The following SUN1 variants were observed in gnomAD, a reference collection of about 807,000 sequenced individuals.
SUN1 encodes the protein SUN domain-containing protein 1.
Under a neutral mutation model 103.2 loss-of-function variants are expected in SUN1, and 61 were observed. The ratio of observed to expected loss-of-function variants is 0.59; its 90% CI spans 0.48 to 0.73. SUN1 has a LOEUF of 0.73. Among genes scored for constraint, SUN1 ranks in the 30% least tolerant of loss-of-function variants. SUN1 has a pLI of 0.00. For missense variants in SUN1, 1,052 were observed against 1,034.6 expected (o/e 1.02, Z -0.23); for synonymous variants, 490 against 425.7 (o/e 1.15, Z -1.86).
chr7:869,242 A>T (rs561161453), intron 16 of SUN1, 107 bp from the exon 17 acceptor site: 4 of 1,390,162 alleles, frequency 2.9e-6, no homozygotes, highest in East Asian at 2.3e-5. Context: ...AGTTTCTACC[A>T]TGTAAAACTT....
chr7:871,655 T>C (rs1841794238), intron 17 of SUN1, among the ~76,000 whole-genome samples: 1 of 152,250 alleles, frequency 6.6e-6, no homozygotes, highest in Admixed American at 6.5e-5. Flanking sequence ...CCCAAAGTGC[T>C]GGGATTACAG....
chr7:848,706 G>T (rs972516435), intron 5 of SUN1: 2 of 872,652 alleles, frequency 2.3e-6, no homozygotes, highest in African/African-American at 1.8e-5. Flanking sequence ...CGCCTCCCTC[G>T]CTGCCTCCTC....
intron 15 of SUN1, among the ~76,000 whole-genome samples, chr7:861,851 A>T (rs990332735): frequency 6.6e-6 from 1 of 152,242 alleles, no homozygotes; most frequent in Non-Finnish European, 1.5e-5. Context: ...CCGAGAGCAG[A>T]AGCAGGCTAA....
Position 826,622 on chromosome 7 carries a change from A to T in SUN1, c.-74+9949A>T, listed in dbSNP as rs542968086. Among the ~76,000 whole-genome samples the T allele has an allele frequency of 6.6e-5, 10 of 152,278 alleles. No homozygotes were observed. The East Asian group carries it at 1.9e-3, about 29-fold the overall frequency. On this transcript the variant is annotated intron_variant, in intron 1 of 17. Coordinates refer to the SUN1 transcript ENST00000389574. Reference sequence around the variant, plus strand: ...ACAGAGTTTTGCAGGTTTGAGTCGTAGGTGTGACTGTTGTTTCAGGAGGTA... The same window carrying T: ...ACAGAGTTTTGCAGGTTTGAGTCGTTGGTGTGACTGTTGTTTCAGGAGGTA...
intron 1 of SUN1, among the ~76,000 whole-genome samples, chr7:835,545 T>A (rs1051425437): frequency 6.6e-6 from 1 of 152,202 alleles, no homozygotes; most frequent in Non-Finnish European, 1.5e-5. Context: ...TTGGGTGATT[T>A]CCCTCTTAAA....
At chr7:831,473 TG>T (rs1294320973), upstream of SUN1, among the ~76,000 whole-genome samples, 24 of 152,104 alleles carry the variant, frequency 1.6e-4, no homozygotes, top group Non-Finnish European at 3.1e-4. Flanking sequence ...GGTTTCACCG[TG>T]TTAGCGAGGA....
chr7:866,346 C>G (rs1349076848), intron 16 of SUN1, among the ~76,000 whole-genome samples: 1 of 152,168 alleles, frequency 6.6e-6, no homozygotes, highest in African/African-American at 2.4e-5. Context: ...TTTGGGTGTT[C>G]CAGCCATGGT....
At chr7:815,789 A>G (rs980998537), upstream of SUN1, 3 of 221,270 alleles carry the variant, frequency 1.4e-5, no homozygotes, top group South Asian at 1.4e-4. Context: ...CACATTCCCC[A>G]GAAGGGCGCC....
chr7:867,440 C>T (rs1488210561), intron 16 of SUN1, among the ~76,000 whole-genome samples: 2 of 152,378 alleles, frequency 1.3e-5, no homozygotes, highest in East Asian at 1.9e-4. Context: ...TAACATCCTT[C>T]TCACAGGGCT....
At chr7:834,063 G>A (rs368427834) in intron 1 of SUN1, among the ~76,000 whole-genome samples, 4 of 150,910 alleles carry the variant, frequency 2.7e-5, no homozygotes, top group South Asian at 4.2e-4. Flanking sequence ...GGGGCTGGCC[G>A]GAGTGGTTGT....
chr7:860,050 T>C (rs1830992612), intron 13 of SUN1, 78 bp from the exon 14 acceptor site: 1 of 1,524,596 alleles, frequency 6.6e-7, no homozygotes, highest in South Asian at 1.2e-5. Flanking sequence ...TCTTCTGAGG[T>C]ATCTAAGATA....
intron 1 of SUN1, among the ~76,000 whole-genome samples, 169 bp downstream of exon 1, chr7:832,770 C>T (rs1381782639): frequency 6.6e-6 from 1 of 152,052 alleles, no homozygotes; most frequent in East Asian, 1.9e-4. Flanking sequence ...TTTTTTCTTA[C>T]GGCTTTAAGG....
At chr7:835,293 C>T (rs1801992516) in intron 1 of SUN1, among the ~76,000 whole-genome samples, 1 of 152,254 alleles carries the variant, frequency 6.6e-6, no homozygotes. Flanking sequence ...ACTCTCCTCA[C>T]TGGGACAGGG....
At chr7:872,746 C>T (rs1032053495) in intron 18 of SUN1, among the ~76,000 whole-genome samples, 184 bp downstream of exon 18, 1 of 152,196 alleles carries the variant, frequency 6.6e-6, no homozygotes, top group African/African-American at 2.4e-5. Flanking sequence ...CTCAGTTTTA[C>T]CCGTGCTTCA....
At chr7:867,788 T>TCTCTCCAG (rs1734694910) in intron 16 of SUN1, among the ~76,000 whole-genome samples, 1 of 152,172 alleles carries the variant, frequency 6.6e-6, no homozygotes, top group African/African-American at 2.4e-5. Flanking sequence ...CGCCAGAGCG[T>TCTCTCCAG]CTCTCCAGAC....
Position 874,912 on chromosome 7 carries a change from T to G in SUN1, c.*1581T>G, listed in dbSNP as rs991978223. On this transcript the variant is annotated 3_prime_UTR_variant, in exon 19 of 19. Transcript: ENST00000401592. ...TTAATTTTTAAAAGGGCATGGGATA[T>G]AAACAGTCTATTTCTTTTCTCAGTT... is the stretch of plus-strand genomic sequence containing the variant. 1 of 152,202 alleles carries G rather than the reference T, an allele frequency of 6.6e-6. No homozygotes were observed. The highest frequency in any genetic ancestry group is 2.4e-5 in the African/African-American group (1 of 41,438). 9.4% of individuals were successfully genotyped at this position (152,202 alleles called of 1,614,324 possible).
intron 18 of SUN1, among the ~76,000 whole-genome samples, chr7:872,775 T>C (rs565001613): frequency 1.3e-5 from 2 of 152,326 alleles, no homozygotes; most frequent in African/African-American, 4.8e-5. Context: ...GATACATTAC[T>C]TAGAAGGATC....
At position 866,052 on chromosome 7, in the gene SUN1, G is replaced by A. The variant is rs535946606; in HGVS notation, c.1965G>A (p.Pro655=). The A allele has an allele frequency of 7.4e-6, 12 of 1,613,928 alleles. No individual in the cohort carries two copies. The highest frequency in any genetic ancestry group is 2.2e-5 in the East Asian group (1 of 44,886). Residue 655 remains proline, a synonymous_variant, in exon 16 of 19, where the codon CCG becomes CCA. Transcript: ENST00000401592. The stretch of plus-strand genomic sequence containing the variant: ...CGCTGTGGTACTTCTCGCAGTCCCC[G>A]CGCGTGGTCATCCAGGTGAGTGGCC... ...GIPLWYFSQS[P]RVVIQPDIYP...
chr7:817,511 G>T (rs1354946539), intron 1 of SUN1: 7 of 1,535,814 alleles, frequency 4.6e-6, no homozygotes, highest in Non-Finnish European at 6.1e-6. Context: ...TGGGCGGTGC[G>T]GTCCGAGGTC....
Sources: allele counts gnomAD v4.1 joint callset (sites outside exome capture counted in the v4.1 genomes callset), GRCh38; gene constraint gnomAD v4.1.1; transcripts MANE v1.5; gene names NCBI Gene and HGNC (gene_info 2026-07-23, HGNC 2026-07-21).